The following TDRP variants were observed in gnomAD, a reference collection of about 807,000 sequenced individuals.
The protein encoded by TDRP is testis development-related protein.
TDRP carries 12 observed loss-of-function variants against 10.5 expected under a neutral mutation model. That is an observed-to-expected ratio of 1.15 (90% CI 0.73 to 1.86). The LOEUF (loss-of-function observed/expected upper bound fraction) is 1.86, where lower values mean the gene tolerates loss of function less well. TDRP is among the 40% of genes most tolerant of loss of function. The pLI, the probability that TDRP is intolerant of heterozygous loss-of-function variation, is 0.00. For missense variants in TDRP, 353 were observed against 229.2 expected, an observed-to-expected ratio of 1.54 and a Z score of -3.49; for synonymous variants, 139 against 95.4, an observed-to-expected ratio of 1.46 and a Z score of -2.67.
At chr8:504,881 T>C (rs930441719) in intron 1 of TDRP, among the ~76,000 whole-genome samples, 1 of 152,174 alleles carries the variant, frequency 6.6e-6, no homozygotes, top group Non-Finnish European at 1.5e-5. Context: ...AGAGGCATTA[T>C]TAATCATTTC....
chr8:542,217 G>A (rs1333435501), intron 1 of TDRP, among the ~76,000 whole-genome samples: 1 of 152,196 alleles, frequency 6.6e-6, no homozygotes, highest in Non-Finnish European at 1.5e-5. Flanking sequence ...TATGGCGACA[G>A]TACAAAGATC....
At chr8:545,055 AC>A (rs1802615892), upstream of TDRP, 1 of 197,850 alleles carries the variant, frequency 5.1e-6, no homozygotes, top group Admixed American at 6.5e-5. Context: ...CCGCCCCCAA[AC>A]CTTCCCCAGG....
intron 1 of TDRP, among the ~76,000 whole-genome samples, chr8:515,105 G>A (rs1801723073): frequency 6.6e-6 from 1 of 152,140 alleles, no homozygotes; most frequent in South Asian, 2.1e-4. Context: ...AATCCACACA[G>A]AGCCTCCTTG....
intron 1 of TDRP, among the ~76,000 whole-genome samples, chr8:496,819 T>A (rs997215268): frequency 6.6e-6 from 1 of 152,178 alleles, no homozygotes. Flanking sequence ...CAGATTTTCC[T>A]CTTGGTGTTC....
chr8:520,270 C>T (rs1801866804), intron 1 of TDRP, among the ~76,000 whole-genome samples: 1 of 152,190 alleles, frequency 6.6e-6, no homozygotes, highest in Admixed American at 6.5e-5. Context: ...CATATACTAG[C>T]ATATTATCAG....
At chr8:544,848 G>T, upstream of TDRP, 5 of 974,932 alleles carry the variant, frequency 5.1e-6, no homozygotes, top group Non-Finnish European at 5.3e-6. Flanking sequence ...TGCGGCTCCT[G>T]CGGGACGCGG....
In TDRP at chr8:491,917, A is replaced by G. The variant is rs1442047017; in HGVS notation, c.*482T>C. 5 of 1,146,192 alleles carry G rather than the reference A, an allele frequency of 4.4e-6. No homozygotes were observed. The highest frequency in any genetic ancestry group is 1.6e-5 in the African/African-American group (1 of 62,404). The allele number at this position is 1,146,192 out of a possible 1,614,324, so 71.0% of individuals were successfully genotyped here. On this transcript the variant is annotated 3_prime_UTR_variant, in exon 3 of 3. Transcript: ENST00000324079. The stretch of plus-strand genomic sequence containing the variant: ...AATAAGAACAAAGTTTAATTTGTCA[A>G]GTTAAACAAAATTTAACATAACTTT...
chr8:520,597 G>C (rs1464550624), intron 1 of TDRP, among the ~76,000 whole-genome samples: 2 of 152,184 alleles, frequency 1.3e-5, no homozygotes, highest in African/African-American at 4.8e-5. Context: ...CCGCATCCTT[G>C]GTTACACTGG....
intron 1 of TDRP, among the ~76,000 whole-genome samples, chr8:509,441 C>T (rs1036640131): frequency 2.7e-4 from 41 of 152,198 alleles, no homozygotes; most frequent in Non-Finnish European, 4.7e-4. Context: ...TTCTTGACTT[C>T]GGTGCAGTCG....
chr8:515,007 G>C (rs540790730), intron 1 of TDRP, among the ~76,000 whole-genome samples: 13 of 152,302 alleles, frequency 8.5e-5, no homozygotes, highest in African/African-American at 3.1e-4. Flanking sequence ...TTCCAATTCA[G>C]CTAATATGTA....
chr8:493,465 T>A (rs1801037672), intron 2 of TDRP, among the ~76,000 whole-genome samples: 1 of 152,232 alleles, frequency 6.6e-6, no homozygotes, highest in Admixed American at 6.5e-5. Context: ...CATGTGTCTG[T>A]CCTCAGTGCA....
At chr8:513,478 A>G (rs1285821803) in intron 1 of TDRP, among the ~76,000 whole-genome samples, 1 of 152,238 alleles carries the variant, frequency 6.6e-6, no homozygotes, top group Non-Finnish European at 1.5e-5. Flanking sequence ...AACATTCAAC[A>G]AAGTAGAAAA....
At chr8:512,069 T>C (rs1187381407) in intron 1 of TDRP, among the ~76,000 whole-genome samples, 1 of 151,668 alleles carries the variant, frequency 6.6e-6, no homozygotes, top group African/African-American at 2.4e-5. Flanking sequence ...AAAGCACAAA[T>C]TAATCAATAG....
In TDRP at chr8:544,658, G is replaced by GGGCGGC. The variant is rs71202629; in HGVS notation, c.94_99dup (p.Ala32_Ala33dup). ...CCTGCGCACCCCCTCACCTGCGCCT[G>GGGCGGC]GGCGGCGGCGGCGGCGGCCGGTGGC... On this transcript the variant is annotated inframe_insertion, in exon 1 of 3. Coordinates refer to ENST00000324079, the MANE Select transcript of TDRP (RefSeq NM_001384899.1). 5.2e-5 allele frequency: 64 copies of GGGCGGC among 1,241,790 alleles called. No individual in the cohort carries two copies. The highest frequency in any genetic ancestry group is 1.7e-4 in the African/African-American group (11 of 64,210). 76.9% of individuals were successfully genotyped at this position (1,241,790 alleles called of 1,614,324 possible). A position where few individuals can be genotyped will look rare whatever the true frequency, so the allele number is the denominator to read the frequency against.
intron 1 of TDRP, among the ~76,000 whole-genome samples, chr8:496,334 G>A (rs1801135428): frequency 6.6e-6 from 1 of 152,208 alleles, no homozygotes; most frequent in Non-Finnish European, 1.5e-5. Context: ...TCTCAATTAA[G>A]AACATAATTC....
chr8:512,270 CAACAAA>C (rs1412314312), intron 1 of TDRP, among the ~76,000 whole-genome samples: 10 of 124,548 alleles, frequency 8.0e-5, no homozygotes, highest in African/African-American at 2.7e-4. Flanking sequence ...ACAACAACAA[CAACAAA>C]AAAAAAAATG....
In TDRP at chr8:512,279, A is replaced by C. The variant is rs948456726; in HGVS notation, c.109-17682T>G. On this transcript the variant is annotated intron_variant, in intron 1 of 2. Coordinates refer to ENST00000324079, the MANE Select transcript of TDRP (RefSeq NM_001384899.1). ...TCTACAACAACAACAACAACAAAAA[A>C]AAAAATGACTGGGCATGGTGGCACA... 6.1e-4 allele frequency among the ~76,000 whole-genome samples: 93 copies of C among 151,756 alleles called. 1 individual carries two copies. The highest frequency in any genetic ancestry group is 4.0e-3 in the Admixed American group (61 of 15,270).
Position 544,712 on chromosome 8 carries a change from C to T in TDRP, c.46G>A (p.Glu16Lys), listed in dbSNP as rs1802590045. The change falls in exon 1 of 3, where the codon GAG becomes AAG. Residue 16 changes from glutamate to lysine, a missense_variant. Coordinates refer to ENST00000324079, the MANE Select transcript of TDRP (RefSeq NM_001384899.1). ...CCCCCACGCAGGCCGTCCTCCTCCT[C>T]GGGGGGCTCGTCCAGCAGCACTCGG... The part of the protein sequence containing the change: ...RGRVLLDEPP[E>K]EEDGLRGGPP... The T allele has an allele frequency of 6.4e-6, 8 of 1,245,456 alleles. No individual in the cohort carries two copies. The highest frequency in any genetic ancestry group is 3.1e-5 in the East Asian group (1 of 31,758). 77.2% of individuals were successfully genotyped at this position (1,245,456 alleles called of 1,614,324 possible).
rs1300324576 is a variant in TDRP at position 491,886 on chromosome 8, T to C, written c.*513A>G. ...GCTTTTCCAGTATTTGTTTACGTAT[T>C]TGTTTAATAAGAACAAAGTTTAATT... On this transcript the variant is annotated 3_prime_UTR_variant, in exon 3 of 3. Coordinates refer to ENST00000324079, the MANE Select transcript of TDRP (RefSeq NM_001384899.1). 1 of 1,184,756 alleles carries C rather than the reference T, an allele frequency of 8.4e-7. No homozygotes were observed. The highest frequency in any genetic ancestry group is 1.0e-6 in the Non-Finnish European group (1 of 958,412). The allele number at this position is 1,184,756 out of a possible 1,614,324, so 73.4% of individuals were successfully genotyped here. A position where few individuals can be genotyped will look rare whatever the true frequency, so the allele number is the denominator to read the frequency against.
Sources: allele counts gnomAD v4.1 joint callset (sites outside exome capture counted in the v4.1 genomes callset), GRCh38; gene constraint gnomAD v4.1.1; transcripts MANE v1.5; gene names NCBI Gene and HGNC (gene_info 2026-07-23, HGNC 2026-07-21).